The following UAP1 variants were observed in gnomAD, a reference collection of about 807,000 sequenced individuals.
The protein encoded by UAP1 is UDP-N-acetylglucosamine pyrophosphorylase 1, also known as UDP-N-acetylhexosamine pyrophosphorylase.
A neutral mutation model predicts 58.5 loss-of-function variants in UAP1; 25 were observed. The observed-to-expected ratio is 0.43, with a 90% CI of 0.31 to 0.60. UAP1 has a LOEUF of 0.60. Among genes scored for constraint, UAP1 ranks in the 20% least tolerant of loss-of-function variants. UAP1 has a pLI of 0.11. For missense variants in UAP1, 575 were observed against 630.0 expected (o/e 0.91, Z 0.93); for synonymous variants, 208 against 213.0 (o/e 0.98, Z 0.21).
intron 7 of UAP1, 138 bp from the exon 8 acceptor site, chr1:162,590,185 G>A: frequency 3.1e-6 from 2 of 645,296 alleles, no homozygotes; most frequent in South Asian, 6.8e-5. Context: ...TTAGTCCAAG[G>A]GTGAGCAATA....
intron 2 of UAP1, among the ~76,000 whole-genome samples, chr1:162,570,127 T>G (rs79433763): frequency 6.7e-6 from 1 of 149,858 alleles, no homozygotes; most frequent in African/African-American, 2.5e-5. Context: ...CCAGCCTGGT[T>G]GACAGAGCGA....
At chr1:162,592,105 G>A (rs2101832023) in intron 8 of UAP1, among the ~76,000 whole-genome samples, 1 of 152,242 alleles carries the variant, frequency 6.6e-6, no homozygotes, top group African/African-American at 2.4e-5. Flanking sequence ...TCAATAAATG[G>A]TAAAATATTG....
intron 9 of UAP1, among the ~76,000 whole-genome samples, chr1:162,596,206 C>T (rs112136331): frequency 6.0e-4 from 91 of 150,968 alleles, no homozygotes; most frequent in African/African-American, 1.8e-3. Flanking sequence ...GACAGAGTCT[C>T]GCTCTGTCAC....
At chr1:162,582,243 A>G (rs368488958) in intron 5 of UAP1, among the ~76,000 whole-genome samples, 3 of 152,220 alleles carry the variant, frequency 2.0e-5, no homozygotes, top group Non-Finnish European at 1.5e-5. Context: ...CAGTGAGACT[A>G]TTTTGGGGAC....
At chr1:162,563,823 A>C (rs903611687) in intron 1 of UAP1, among the ~76,000 whole-genome samples, 2 of 152,332 alleles carry the variant, frequency 1.3e-5, no homozygotes, top group African/African-American at 4.8e-5. Flanking sequence ...ACTCTTGACT[A>C]TCTTGAAGGC....
At chr1:162,581,812 G>A (rs1303302351) in intron 5 of UAP1, among the ~76,000 whole-genome samples, 2 of 152,314 alleles carry the variant, frequency 1.3e-5, no homozygotes, top group East Asian at 3.9e-4. Context: ...AGTAGGTAAG[G>A]AAAATGTGGT....
At chr1:162,566,562 A>G (rs1471758350) in intron 2 of UAP1, among the ~76,000 whole-genome samples, 4 of 151,742 alleles carry the variant, frequency 2.6e-5, no homozygotes, top group African/African-American at 4.8e-5. Flanking sequence ...TCCCTCCTCA[A>G]TTTCCATACT....
At chr1:162,578,118 C>T (rs1261452570) in intron 3 of UAP1, among the ~76,000 whole-genome samples, 1 of 152,090 alleles carries the variant, frequency 6.6e-6, no homozygotes, top group Non-Finnish European at 1.5e-5. Context: ...GTCTCTTTCC[C>T]CGAGCAGTTT....
chr1:162,591,543 T>C (rs1204709701), intron 8 of UAP1, among the ~76,000 whole-genome samples: 3 of 152,186 alleles, frequency 2.0e-5, no homozygotes, highest in Non-Finnish European at 4.4e-5. Flanking sequence ...TGGAGTGCAA[T>C]GGCACAATCT....
At chr1:162,562,576 T>C (rs1653222205) in intron 1 of UAP1, 1 of 152,104 alleles carries the variant, frequency 6.6e-6, no homozygotes, top group African/African-American at 2.4e-5. Flanking sequence ...TTATGAAATC[T>C]GAAATCAGGT....
At chr1:162,577,608 C>G (rs901940541) in intron 3 of UAP1, among the ~76,000 whole-genome samples, 7 of 151,460 alleles carry the variant, frequency 4.6e-5, no homozygotes, top group Non-Finnish European at 1.0e-4. Context: ...GCCACCATGC[C>G]TGGCTAATTT....
chr1:162,590,089 T>C (rs370750841), intron 7 of UAP1, among the ~76,000 whole-genome samples: 10 of 151,700 alleles, frequency 6.6e-5, no homozygotes, highest in African/African-American at 2.4e-4. Context: ...AGATTTCTAA[T>C]CTTTCCGACT....
intron 9 of UAP1, 51 bp from the exon 10 acceptor site, chr1:162,597,741 C>G (rs1655692089): frequency 1.3e-6 from 2 of 1,512,566 alleles, no homozygotes; most frequent in East Asian, 4.5e-5. Context: ...TTTGCTCTGG[C>G]AAGTAACATG....
At chr1:162,590,574 C>A in intron 8 of UAP1, 63 bp downstream of exon 8, 2 of 1,038,310 alleles carry the variant, frequency 1.9e-6, no homozygotes, top group Non-Finnish European at 2.6e-6. Flanking sequence ...TTGGACTTCT[C>A]TCTCTCTCTC....
intron 2 of UAP1, among the ~76,000 whole-genome samples, chr1:162,573,280 G>T (rs1653979815): frequency 6.6e-6 from 1 of 151,824 alleles, no homozygotes; most frequent in Non-Finnish European, 1.5e-5. Context: ...AAAAAAAAAA[G>T]GCAGCACAAC....
At chr1:162,598,164 T>A (rs1465219321) in intron 10 of UAP1, among the ~76,000 whole-genome samples, 1 of 151,970 alleles carries the variant, frequency 6.6e-6, no homozygotes, top group Non-Finnish European at 1.5e-5. Context: ...CTCAGGAGTT[T>A]GAGACCAGCC....
At chr1:162,596,721 A>G (rs1331841268) in intron 9 of UAP1, among the ~76,000 whole-genome samples, 1 of 152,212 alleles carries the variant, frequency 6.6e-6, no homozygotes, top group African/African-American at 2.4e-5. Flanking sequence ...CCTGTAGCTA[A>G]ACTCAGAAGC....
intron 5 of UAP1, 143 bp downstream of exon 5, chr1:162,581,602 C>G: frequency 1.3e-6 from 1 of 785,138 alleles, no homozygotes; most frequent in South Asian, 2.7e-5. Context: ...CGGTCCCACA[C>G]CCACTTTTTT....
chr1:162,574,491 C>A lies in UAP1; in HGVS notation c.281-2286C>A, dbSNP rs183935702. Among the ~76,000 whole-genome samples the A allele has an allele frequency of 1.9e-3, 295 of 152,278 alleles. 2 individuals carry two copies. Among genetic ancestry groups the A allele is most frequent in the African/African-American group, 6.8e-3 (282 of 41,570 alleles). ...GCACAAAGTTGGTAAATGAAATAAACCCACATTACCTAAGGATTTTAAAAT... is the reference window on the plus strand; with the variant it reads ...GCACAAAGTTGGTAAATGAAATAAAACCACATTACCTAAGGATTTTAAAAT... On this transcript the variant is annotated intron_variant, in intron 2 of 10. Transcript: ENST00000271469.
Sources: gnomAD v4.1 joint callset for allele counts (sites outside exome capture counted in the v4.1 genomes callset) on GRCh38, gnomAD v4.1.1 for gene constraint, MANE v1.5 for transcripts, NCBI Gene and HGNC (gene_info 2026-07-23, HGNC 2026-07-21) for gene names.